Variants in CSMD1 observed in about 807,000 individuals in gnomAD.
The protein encoded by CSMD1 is CUB and sushi domain-containing protein 1.
Under a neutral mutation model 417.5 loss-of-function variants are expected in CSMD1, and 213 were observed. The observed-to-expected ratio is 0.51, with a 90% CI of 0.46 to 0.57. The LOEUF is 0.57. CSMD1 is among the 20% of genes least tolerant of loss of function. The pLI, the probability that CSMD1 is intolerant of heterozygous loss-of-function variation, is 0.00. For missense variants in CSMD1, 6,923 were observed against 4,529.7 expected (o/e 1.53, Z -15.17); for synonymous variants, 2,862 against 1,736.8 (o/e 1.65, Z -16.11).
chr8:4,414,496 G>C (rs932036851), intron 3 of CSMD1, among the ~76,000 whole-genome samples: 8 of 152,078 alleles, frequency 5.3e-5, no homozygotes, highest in Admixed American at 3.9e-4. Context: ...CCTATACTGA[G>C]CAATATTTTT....
chr8:3,769,677 T>C (rs1246807509), intron 5 of CSMD1, among the ~76,000 whole-genome samples: 7 of 152,166 alleles, frequency 4.6e-5, no homozygotes, highest in African/African-American at 1.7e-4. Flanking sequence ...TATCTATATA[T>C]ATATGATGTG....
At chr8:3,379,894 C>T (rs11987119) in intron 18 of CSMD1, among the ~76,000 whole-genome samples, 1 of 151,950 alleles carries the variant, frequency 6.6e-6, no homozygotes, top group African/African-American at 2.4e-5. Flanking sequence ...CCAAAATAGA[C>T]AAATGGGATA....
chr8:3,911,685 C>A (rs1808478296), intron 5 of CSMD1, among the ~76,000 whole-genome samples: 1 of 152,086 alleles, frequency 6.6e-6, no homozygotes, highest in African/African-American at 2.4e-5. Flanking sequence ...TCGGAGCTGC[C>A]ATAAGCACTC....
intron 2 of CSMD1, among the ~76,000 whole-genome samples, chr8:4,513,746 A>C (rs1037183923): frequency 1.3e-5 from 2 of 152,214 alleles, no homozygotes; most frequent in African/African-American, 4.8e-5. Context: ...CTACTTTGGC[A>C]AAAATACATA....
At chr8:4,614,726 T>G (rs1801379338) in intron 2 of CSMD1, among the ~76,000 whole-genome samples, 1 of 152,104 alleles carries the variant, frequency 6.6e-6, no homozygotes, top group Admixed American at 6.6e-5. Flanking sequence ...TTCCTTAAAA[T>G]ATTCAATTAC....
In CSMD1 at chr8:4,530,314, CTTTTTTTTTTTTTT is replaced by C. The variant is rs759268228; in HGVS notation, c.302+107014_302+107027del. 2.7e-3 allele frequency among the ~76,000 whole-genome samples: 125 copies of C among 46,692 alleles called. 3 individuals carry two copies. The East Asian group carries it at 0.081, about 30-fold the overall frequency. 30.6% of individuals were successfully genotyped at this position (46,692 alleles called of 152,430 possible). On this transcript the variant is annotated intron_variant, in intron 2 of 69. Transcript: ENST00000635120. The stretch of plus-strand genomic sequence containing the variant: ...TTCACAGTTTATCGTACAGGTAGTG[CTTTTTTTTTTTTTT>C]TTTTTTTTTTTTTTTTACTTTCAGT...
chr8:4,491,099 C>A (rs916433180), intron 2 of CSMD1, among the ~76,000 whole-genome samples: 2 of 152,072 alleles, frequency 1.3e-5, no homozygotes, highest in South Asian at 2.1e-4. Flanking sequence ...TTAATGGGTA[C>A]TAGGCTTAAT....
chr8:4,707,883 T>C (rs1394830286), intron 1 of CSMD1, among the ~76,000 whole-genome samples: 2 of 89,976 alleles, frequency 2.2e-5, no homozygotes, highest in Non-Finnish European at 4.2e-5. Context: ...CAAGACTTTG[T>C]TTCAAAAAAA....
chr8:4,883,970 T>A (rs1803569288), intron 1 of CSMD1, among the ~76,000 whole-genome samples: 2 of 152,076 alleles, frequency 1.3e-5, no homozygotes, highest in African/African-American at 4.8e-5. Flanking sequence ...AGCCTTCCAA[T>A]TTCTTCCAAT....
intron 3 of CSMD1, among the ~76,000 whole-genome samples, chr8:4,241,643 A>AAATCATTAC (rs1162229695): frequency 6.6e-6 from 1 of 152,220 alleles, no homozygotes; most frequent in Non-Finnish European, 1.5e-5. Context: ...TCAATGATCA[A>AAATCATTAC]AATCATTACA....
At chr8:3,241,019 C>A (rs75789172) in intron 26 of CSMD1, among the ~76,000 whole-genome samples, 2 of 147,882 alleles carry the variant, frequency 1.4e-5, no homozygotes, top group Admixed American at 1.4e-4. Flanking sequence ...GGTGCATGAT[C>A]GGTCACCAAG....
intron 10 of CSMD1, among the ~76,000 whole-genome samples, chr8:3,544,574 T>C (rs1798577846): frequency 6.6e-6 from 1 of 152,080 alleles, no homozygotes. Context: ...AAGAACCCTC[T>C]CTTAGGGTCT....
At chr8:4,036,089 T>C (rs138984443) in intron 3 of CSMD1, among the ~76,000 whole-genome samples, 4 of 152,328 alleles carry the variant, frequency 2.6e-5, no homozygotes, top group Admixed American at 6.5e-5. Flanking sequence ...CCACATGCTG[T>C]ACAGGTTTGC....
intron 3 of CSMD1, among the ~76,000 whole-genome samples, chr8:4,311,973 A>C (rs1208192533): frequency 2.6e-5 from 4 of 152,152 alleles, no homozygotes; most frequent in Non-Finnish European, 5.9e-5. Context: ...TTAGAAAACA[A>C]AATAAAAATT....
chr8:4,687,885 A>G (rs529051174), intron 1 of CSMD1, among the ~76,000 whole-genome samples: 2 of 152,136 alleles, frequency 1.3e-5, no homozygotes, highest in Non-Finnish European at 2.9e-5. Flanking sequence ...TGCCTGTGTC[A>G]GGAGCCAATC....
intron 4 of CSMD1, among the ~76,000 whole-genome samples, chr8:4,017,115 T>C (rs1215393931): frequency 6.6e-6 from 1 of 152,206 alleles, no homozygotes; most frequent in African/African-American, 2.4e-5. Flanking sequence ...CCAGCCTTGC[T>C]GGACGCTCTC....
chr8:3,942,270 T>G (rs1182361386), intron 5 of CSMD1, among the ~76,000 whole-genome samples: 1 of 152,110 alleles, frequency 6.6e-6, no homozygotes, highest in East Asian at 1.9e-4. Context: ...ACCATAAATG[T>G]AATGCGCTTG....
intron 1 of CSMD1, among the ~76,000 whole-genome samples, chr8:4,919,618 C>A (rs1481366783): frequency 6.6e-6 from 1 of 152,018 alleles, no homozygotes; most frequent in African/African-American, 2.4e-5. Flanking sequence ...CAATTTGTAC[C>A]ATAATATGAA....
At chr8:4,131,830 C>A (rs111749788) in intron 3 of CSMD1, among the ~76,000 whole-genome samples, 5,400 of 134,936 alleles carry the variant, frequency 0.04, 342 homozygotes, top group African/African-American at 0.14. Flanking sequence ...TGGTGCGATC[C>A]CGGCTCACTG....
Sources: gnomAD v4.1 joint callset for allele counts (sites outside exome capture counted in the v4.1 genomes callset) on GRCh38, gnomAD v4.1.1 for gene constraint, MANE v1.5 for transcripts, NCBI Gene and HGNC (gene_info 2026-07-23, HGNC 2026-07-21) for gene names.